The following TLL1 variants were observed in gnomAD, a reference collection of about 807,000 sequenced individuals.
TLL1 encodes tolloid like 1.
In TLL1, 49 loss-of-function variants were observed where a neutral mutation model predicts 128.2. The observed-to-expected ratio is 0.38, with a 90% confidence interval of 0.30 to 0.48. TLL1 has a LOEUF of 0.48. TLL1 is among the 20% of genes least tolerant of loss of function. The pLI is 0.96. For missense variants in TLL1, 1,123 were observed against 1,242.0 expected (o/e 0.90, Z 1.44); for synonymous variants, 454 against 418.8 (o/e 1.08, Z -1.03).
At chr4:166,075,857 C>T (rs1740997135) in intron 17 of TLL1, among the ~76,000 whole-genome samples, 1 of 152,130 alleles carries the variant, frequency 6.6e-6, no homozygotes, top group South Asian at 2.1e-4. Context: ...TGAGTTGACC[C>T]TTGTTCCATT....
intron 19 of TLL1, 31 bp from the exon 20 acceptor site, chr4:166,099,246 C>G: frequency 6.2e-7 from 1 of 1,613,162 alleles, no homozygotes. Flanking sequence ...GCTCATTGAC[C>G]TTACTCATCT....
intron 19 of TLL1, among the ~76,000 whole-genome samples, chr4:166,092,211 C>T (rs948689744): frequency 6.6e-6 from 1 of 152,008 alleles, no homozygotes; most frequent in Non-Finnish European, 1.5e-5. Flanking sequence ...GAAATTTTGT[C>T]ATGAATTTCT....
At chr4:165,947,885 C>T (rs1443397734) in intron 1 of TLL1, among the ~76,000 whole-genome samples, 1 of 152,100 alleles carries the variant, frequency 6.6e-6, no homozygotes, top group African/African-American at 2.4e-5. Flanking sequence ...TAGAACACTG[C>T]CAGCATGGAC....
rs776861926 is a variant in TLL1, at chr4:166,009,456, C to CT, written c.917+1414dup. Among the ~76,000 whole-genome samples, 111 of 151,466 alleles carry CT rather than the reference C, an allele frequency of 7.3e-4. 1 individual carries two copies. Among genetic ancestry groups the CT allele is most frequent in the African/African-American group, 2.6e-3 (106 of 41,478 alleles). On this transcript the variant is annotated intron_variant, in intron 7 of 20. Transcript: ENST00000061240. ...ACTGTATGTTTCCCCTTATTCTATA[C>CT]TTTTTTCCATGTTGCATTGTGTATT...
chr4:165,874,580 T>G (rs1730641021), intron 1 of TLL1, among the ~76,000 whole-genome samples: 1 of 152,178 alleles, frequency 6.6e-6, no homozygotes, highest in African/African-American at 2.4e-5. Context: ...ACCAGGAATT[T>G]CAAGTGTGGG....
intron 7 of TLL1, among the ~76,000 whole-genome samples, chr4:166,009,120 AT>A (rs1389352367): frequency 6.6e-6 from 1 of 151,468 alleles, no homozygotes; most frequent in East Asian, 1.9e-4. Context: ...CCAAATGTTT[AT>A]TTTTTCTAGA....
chr4:165,995,221 T>A lies in TLL1; in HGVS notation c.632+43T>A, dbSNP rs775943971. On this transcript the variant is annotated intron_variant, in intron 5 of 20. Transcript: ENST00000061240. ...GGGACTGACTTAAGGAAAAAAAAAA[T>A]TAAAAGGAAAACAATTAAATGTCCA... is the stretch of plus-strand genomic sequence containing the variant. 2.3e-6 allele frequency: 3 copies of A among 1,326,864 alleles called. No homozygotes were observed. The Admixed American group carries it at 5.0e-5, about 22-fold the overall frequency. 82.2% of individuals were successfully genotyped at this position (1,326,864 alleles called of 1,614,324 possible). A position where few individuals can be genotyped will look rare whatever the true frequency, so the allele number is the denominator to read the frequency against.
chr4:165,958,841 T>A (rs1189469933), intron 1 of TLL1, among the ~76,000 whole-genome samples: 4 of 146,314 alleles, frequency 2.7e-5, no homozygotes, highest in African/African-American at 1.0e-4. Context: ...TTTTATGGTT[T>A]TAGGTCTAAC....
chr4:166,052,918 C>A (rs1390600877), intron 12 of TLL1, among the ~76,000 whole-genome samples: 1 of 122,650 alleles, frequency 8.2e-6, no homozygotes, highest in Non-Finnish European at 1.7e-5. Flanking sequence ...TATAGAGAAC[C>A]CTGATTTTGA....
chr4:165,971,421 G>T (rs890491808), intron 1 of TLL1, among the ~76,000 whole-genome samples: 1 of 152,186 alleles, frequency 6.6e-6, no homozygotes, highest in Non-Finnish European at 1.5e-5. Context: ...CCATTGTTGT[G>T]TGACAGCACC....
intron 9 of TLL1, 49 bp downstream of exon 9, chr4:166,025,480 A>C: frequency 7.3e-7 from 1 of 1,362,034 alleles, no homozygotes; most frequent in Non-Finnish European, 1.1e-6. Context: ...TAAGTACAAA[A>C]GTTCATCATC....
At chr4:165,954,463 G>A (rs1259350612) in intron 1 of TLL1, among the ~76,000 whole-genome samples, 1 of 152,186 alleles carries the variant, frequency 6.6e-6, no homozygotes, top group African/African-American at 2.4e-5. Context: ...CACAGCATTA[G>A]GAGTGTGAGA....
At chr4:166,034,405 C>A (rs114157560) in intron 9 of TLL1, among the ~76,000 whole-genome samples, 2,577 of 152,078 alleles carry the variant, frequency 0.017, 61 homozygotes, top group African/African-American at 0.058. Flanking sequence ...CAATAGCAAG[C>A]AGTTAGGGAT....
chr4:165,875,034 G>C (rs958015077), intron 1 of TLL1: 1 of 152,554 alleles, frequency 6.6e-6, no homozygotes, highest in Admixed American at 6.5e-5. Context: ...GGTGATCCGC[G>C]CTCAGTGTGG....
chr4:166,069,871 C>T (rs928117164), intron 16 of TLL1, among the ~76,000 whole-genome samples: 8 of 151,610 alleles, frequency 5.3e-5, no homozygotes, highest in African/African-American at 1.9e-4. Context: ...ATAAGCTGCT[C>T]TATAAAAATC....
intron 1 of TLL1, among the ~76,000 whole-genome samples, chr4:165,930,410 T>C (rs1733462645): frequency 6.6e-6 from 1 of 152,066 alleles, no homozygotes. Flanking sequence ...ATGTGATAAC[T>C]TATATTCTTT....
At chr4:166,061,918 T>A (rs1445457626) in intron 15 of TLL1, among the ~76,000 whole-genome samples, 2 of 152,174 alleles carry the variant, frequency 1.3e-5, no homozygotes, top group Non-Finnish European at 2.9e-5. Flanking sequence ...AAGGACCCAG[T>A]TTCAGCTTTC....
In TLL1 at chr4:166,074,862, T is replaced by C; in HGVS notation, c.2189-16T>C. ...TAAAGTTACTTACTAGACTATGGGA[T>C]TGATCTCTTTGCTAGACAAAGATGA... On this transcript the variant is annotated splice_polypyrimidine_tract_variant and intron_variant, in intron 16 of 20. Coordinates refer to ENST00000061240, the MANE Select transcript of TLL1 (RefSeq NM_012464.5). The C allele has an allele frequency of 1.9e-6, 3 of 1,612,862 alleles. No individual in the cohort carries two copies. The highest frequency in any genetic ancestry group is 2.5e-6 in the Non-Finnish European group (3 of 1,179,196).
Position 166,029,176 on chromosome 4 carries a change from G to A in TLL1, c.1158+3745G>A, listed in dbSNP as rs1258174579. 6.0e-5 allele frequency among the ~76,000 whole-genome samples: 9 copies of A among 151,178 alleles called. No individual in the cohort carries two copies. In the South Asian group the frequency reaches 1.5e-3, roughly 25 times the overall value. On this transcript the variant is annotated intron_variant, in intron 9 of 20. Transcript: ENST00000061240. ...TTGAATTATGTTTTTTTATCATTTC[G>A]TATTTTTCTCTCTACTGGTTTGAAA... is the stretch of plus-strand genomic sequence containing the variant.
Sources: gnomAD v4.1 joint callset for allele counts (sites outside exome capture counted in the v4.1 genomes callset) on GRCh38, gnomAD v4.1.1 for gene constraint, MANE v1.5 for transcripts, NCBI Gene and HGNC (gene_info 2026-07-23, HGNC 2026-07-21) for gene names.